Variants in PLCB4 observed in about 807,000 individuals in gnomAD.
The protein encoded by PLCB4 is 1-phosphatidylinositol 4,5-bisphosphate phosphodiesterase beta-4.
PLCB4 carries 77 observed loss-of-function variants against 178.8 expected under a neutral mutation model. The observed-to-expected ratio is 0.43, with a 90% CI of 0.36 to 0.52. The LOEUF (loss-of-function observed/expected upper bound fraction) is 0.52. Among genes scored for constraint, PLCB4 ranks in the 20% least tolerant of loss-of-function variants. PLCB4 has a pLI of 0.00. For synonymous variants in PLCB4, 496 were observed against 490.8 expected (o/e 1.01, Z -0.14); for missense variants, 1,024 against 1,453.4 (o/e 0.70, Z 4.80).
chr20:9,363,499 A>G (rs947136685), intron 8 of PLCB4, among the ~76,000 whole-genome samples: 18 of 152,190 alleles, frequency 1.2e-4, no homozygotes, highest in African/African-American at 3.6e-4. Context: ...CAGTTATTTA[A>G]AGATTTGATC....
At chr20:9,360,624 C>T (rs940325096) in intron 7 of PLCB4, among the ~76,000 whole-genome samples, 3 of 152,130 alleles carry the variant, frequency 2.0e-5, no homozygotes, top group Non-Finnish European at 4.4e-5. Flanking sequence ...CTGTGTGGGC[C>T]TGTGGTTTGT....
At chr20:9,318,354 C>T (rs894243259) in intron 4 of PLCB4, among the ~76,000 whole-genome samples, 2 of 151,528 alleles carry the variant, frequency 1.3e-5, no homozygotes, top group Non-Finnish European at 2.9e-5. Context: ...TGCTGAATCG[C>T]TTCTGGGTGG....
rs2093472650 is a variant in PLCB4 at position 9,196,353 on chromosome 20, A to AT, written c.-78-21036dup. ...TTTGCAATTAAAATGACTTCTGGGC[A>AT]TGTAAATGGACAACTGGGTGGGAGG... On this transcript the variant is annotated intron_variant, in intron 2 of 39. Transcript: ENST00000378473. Among the ~76,000 whole-genome samples the AT allele has an allele frequency of 2.0e-5, 3 of 152,334 alleles. No individual in the cohort carries two copies. The South Asian group carries it at 6.2e-4, about 32-fold the overall frequency.
chr20:9,253,605 T>C (rs2094203968), intron 3 of PLCB4, among the ~76,000 whole-genome samples: 1 of 152,212 alleles, frequency 6.6e-6, no homozygotes, highest in Non-Finnish European at 1.5e-5. Flanking sequence ...TGCTCATAAT[T>C]CTGCAGTCAT....
At chr20:9,243,375 A>C (rs1213119548) in intron 3 of PLCB4, among the ~76,000 whole-genome samples, 1 of 152,194 alleles carries the variant, frequency 6.6e-6, no homozygotes, top group East Asian at 1.9e-4. Context: ...ATTTTAGAAA[A>C]AGGCAAGACT....
intron 3 of PLCB4, among the ~76,000 whole-genome samples, chr20:9,294,838 T>C (rs6516454): frequency 0.25 from 38,569 of 151,966 alleles, 5,150 homozygotes; most frequent in East Asian, 0.37. Context: ...GCTGTCGGGG[T>C]ACCATACTTT....
In PLCB4 at chr20:9,141,191, G is replaced by A. The variant is rs73609437; in HGVS notation, c.-79+44849G>A. 1.7e-3 allele frequency among the ~76,000 whole-genome samples: 261 copies of A among 152,228 alleles called. 1 individual carries two copies. The highest frequency in any genetic ancestry group is 5.3e-3 in the African/African-American group (220 of 41,556). Reference sequence around the variant, plus strand: ...ATCTGTACTCAGAGATCTCAGTGATGGCTGAACTTTGTGACCATTGGGCCA... The same window carrying A: ...ATCTGTACTCAGAGATCTCAGTGATAGCTGAACTTTGTGACCATTGGGCCA... On this transcript the variant is annotated intron_variant, in intron 2 of 39. Coordinates refer to ENST00000378473, the MANE Select transcript of PLCB4 (RefSeq NM_001377142.1).
At chr20:9,463,162 A>C (rs1318731664) in intron 35 of PLCB4, among the ~76,000 whole-genome samples, 2 of 152,212 alleles carry the variant, frequency 1.3e-5, no homozygotes, top group African/African-American at 4.8e-5. Flanking sequence ...TATCCAGCCA[A>C]ACTAAGCTTC....
At chr20:9,198,026 C>T (rs7269241) in intron 2 of PLCB4, among the ~76,000 whole-genome samples, 27,325 of 152,022 alleles carry the variant, frequency 0.18, 2,812 homozygotes, top group South Asian at 0.24. Flanking sequence ...TATGCTGATT[C>T]AGGAGAACTT....
intron 36 of PLCB4, among the ~76,000 whole-genome samples, chr20:9,469,946 A>G (rs1255840459): frequency 1.3e-5 from 2 of 152,212 alleles, no homozygotes; most frequent in Non-Finnish European, 2.9e-5. Context: ...GGATTACGCC[A>G]CCAGCAGTTA....
At chr20:9,161,617 T>A (rs1600811162) in intron 2 of PLCB4, among the ~76,000 whole-genome samples, 1 of 152,264 alleles carries the variant, frequency 6.6e-6, no homozygotes, top group Non-Finnish European at 1.5e-5. Flanking sequence ...AAATAAATTT[T>A]ATTTTATTGA....
intron 2 of PLCB4, among the ~76,000 whole-genome samples, chr20:9,139,210 A>C (rs1472103894): frequency 6.6e-6 from 1 of 151,976 alleles, no homozygotes; most frequent in Non-Finnish European, 1.5e-5. Flanking sequence ...ATTCTGTTTT[A>C]GTTATCTCTT....
intron 4 of PLCB4, among the ~76,000 whole-genome samples, chr20:9,331,649 G>A (rs1316580288): frequency 6.6e-6 from 1 of 152,114 alleles, no homozygotes; most frequent in African/African-American, 2.4e-5. Flanking sequence ...TGAAATAAAG[G>A]AAAAATGTTT....
intron 3 of PLCB4, among the ~76,000 whole-genome samples, chr20:9,303,041 T>C (rs556193458): frequency 1.3e-5 from 2 of 152,110 alleles, no homozygotes; most frequent in African/African-American, 4.8e-5. Context: ...CAAACTGGGA[T>C]GGCCACCATG....
intron 3 of PLCB4, among the ~76,000 whole-genome samples, chr20:9,260,142 C>G (rs1388481687): frequency 6.6e-6 from 1 of 151,934 alleles, no homozygotes; most frequent in Admixed American, 6.6e-5. Context: ...AATTTTCATA[C>G]TAAACACTGA....
intron 4 of PLCB4, among the ~76,000 whole-genome samples, chr20:9,326,417 A>G (rs1170397810): frequency 6.6e-6 from 1 of 152,094 alleles, no homozygotes; most frequent in Non-Finnish European, 1.5e-5. Flanking sequence ...TCTCACTGTC[A>G]TTGCTGGAAT....
At chr20:9,171,419 C>T (rs1290196802) in intron 2 of PLCB4, among the ~76,000 whole-genome samples, 3 of 152,136 alleles carry the variant, frequency 2.0e-5, no homozygotes, top group Non-Finnish European at 4.4e-5. Flanking sequence ...TATTCAGCAG[C>T]TGTCTATTCA....
intron 30 of PLCB4, among the ~76,000 whole-genome samples, chr20:9,441,907 CGACT>C (rs2042129122): frequency 9.0e-6 from 1 of 111,676 alleles, no homozygotes; most frequent in African/African-American, 2.9e-5. Context: ...TGCACCAACA[CGACT>C]TTTTTTTTTT....
At chr20:9,426,812 C>T (rs536841553) in intron 28 of PLCB4, among the ~76,000 whole-genome samples, 27 of 152,040 alleles carry the variant, frequency 1.8e-4, no homozygotes, top group Non-Finnish European at 3.1e-4. Context: ...CATTTTATGT[C>T]GGCCATAATT....
Sources: allele counts gnomAD v4.1 joint callset (sites outside exome capture counted in the v4.1 genomes callset), GRCh38; gene constraint gnomAD v4.1.1; transcripts MANE v1.5; gene names NCBI Gene and HGNC (gene_info 2026-07-23, HGNC 2026-07-21).